PIP5K1B: variants seen among roughly 807,000 people sequenced by gnomAD.
PIP5K1B encodes phosphatidylinositol-4-phosphate 5-kinase type 1 beta.
A neutral mutation model predicts 67.0 loss-of-function variants in PIP5K1B; 42 were observed. The observed-to-expected ratio is 0.63, with a 90% CI of 0.49 to 0.81. The LOEUF (loss-of-function observed/expected upper bound fraction) is 0.81, where lower values mean the gene tolerates loss of function less well. Among genes scored for constraint, PIP5K1B ranks in the 30% least tolerant of loss-of-function variants. The probability of loss-of-function intolerance (pLI) is 0.00; values close to 1 mark genes in which losing one functional copy is unlikely to be tolerated. For missense variants in PIP5K1B, 459 were observed against 646.3 expected (o/e 0.71, Z 3.14); for synonymous variants, 214 against 231.4 (o/e 0.92, Z 0.68).
chr9:68,989,207 A>C (rs4745466), intron 14 of PIP5K1B, among the ~76,000 whole-genome samples: 69,237 of 151,412 alleles, frequency 0.46, 16,725 homozygotes, highest in East Asian at 0.66. Flanking sequence ...TTAATAGGTA[A>C]ATATGTACAA....
intron 2 of PIP5K1B, among the ~76,000 whole-genome samples, chr9:68,743,584 A>G (rs1829125651): frequency 6.6e-6 from 1 of 152,216 alleles, no homozygotes; most frequent in Admixed American, 6.5e-5. Flanking sequence ...CACATGGTGT[A>G]GATTTGGTAA....
chr9:68,770,735 G>A (rs1587417702), intron 2 of PIP5K1B, among the ~76,000 whole-genome samples: 2 of 152,200 alleles, frequency 1.3e-5, no homozygotes, highest in African/African-American at 4.8e-5. Context: ...ATGATCTGAA[G>A]TAGAAGATCC....
chr9:68,914,631 T>C (rs989645829), intron 8 of PIP5K1B, among the ~76,000 whole-genome samples: 7 of 151,914 alleles, frequency 4.6e-5, no homozygotes, highest in Admixed American at 2.0e-4. Context: ...AGGAGAATGG[T>C]GTGAACCCGG....
At chr9:68,904,990 AT>A (rs1018409688) in intron 8 of PIP5K1B, among the ~76,000 whole-genome samples, 67 of 152,236 alleles carry the variant, frequency 4.4e-4, no homozygotes, top group African/African-American at 1.6e-3. Context: ...AAATTTATAT[AT>A]GCAATAATTC....
At chr9:68,839,905 T>G (rs1046963105) in intron 4 of PIP5K1B, among the ~76,000 whole-genome samples, 5 of 152,196 alleles carry the variant, frequency 3.3e-5, no homozygotes, top group South Asian at 2.1e-4. Flanking sequence ...TGTTATAAAC[T>G]CATCACCCAT....
At chr9:68,865,407 A>C (rs1416401455) in intron 5 of PIP5K1B, among the ~76,000 whole-genome samples, 6 of 151,908 alleles carry the variant, frequency 3.9e-5, no homozygotes, top group Non-Finnish European at 8.8e-5. Flanking sequence ...TAATGCTTGT[A>C]AGTGTGTTTG....
At chr9:68,927,093 C>T (rs1329360467) in intron 12 of PIP5K1B, among the ~76,000 whole-genome samples, 1 of 152,144 alleles carries the variant, frequency 6.6e-6, no homozygotes, top group Non-Finnish European at 1.5e-5. Context: ...TCTGTAGCCT[C>T]GTAGCATGTA....
intron 14 of PIP5K1B, among the ~76,000 whole-genome samples, chr9:68,975,401 G>C (rs1373025322): frequency 6.6e-6 from 1 of 152,178 alleles, no homozygotes; most frequent in Non-Finnish European, 1.5e-5. Context: ...AAAATGTAGT[G>C]TTTAGCAAGA....
intron 15 of PIP5K1B, among the ~76,000 whole-genome samples, chr9:68,999,725 G>A (rs1262527244): frequency 6.6e-6 from 1 of 152,218 alleles, no homozygotes; most frequent in African/African-American, 2.4e-5. Context: ...TGCCTCTAAT[G>A]TAGAAGCAAA....
At chr9:68,774,033 G>C (rs977249375) in intron 2 of PIP5K1B, among the ~76,000 whole-genome samples, 1 of 151,950 alleles carries the variant, frequency 6.6e-6, no homozygotes, top group Non-Finnish European at 1.5e-5. Context: ...ATTATTCTAG[G>C]AGGATACCAC....
chr9:68,820,193 A>T (rs1388957605), intron 3 of PIP5K1B, among the ~76,000 whole-genome samples: 1 of 152,202 alleles, frequency 6.6e-6, no homozygotes, highest in Non-Finnish European at 1.5e-5. Context: ...GCTCTGTTAA[A>T]CAGTTGAAGG....
chr9:68,773,333 C>T (rs937290651), intron 2 of PIP5K1B, among the ~76,000 whole-genome samples: 1 of 152,110 alleles, frequency 6.6e-6, no homozygotes, highest in Admixed American at 6.5e-5. Context: ...TTGTATTCTT[C>T]GATTATGGCC....
chr9:68,974,468 A>G (rs969076140), intron 14 of PIP5K1B, among the ~76,000 whole-genome samples: 3 of 152,230 alleles, frequency 2.0e-5, no homozygotes, highest in Non-Finnish European at 4.4e-5. Flanking sequence ...GGGTTTGGGT[A>G]TATAAAAGAA....
At position 68,705,285 on chromosome 9, in the gene PIP5K1B, C is replaced by G. The variant is rs1370807775; in HGVS notation, c.-720C>G. 2.0e-5 allele frequency: 3 copies of G among 151,734 alleles called. No individual in the cohort carries two copies. Among genetic ancestry groups the G allele is most frequent in the Non-Finnish European group, 4.4e-5 (3 of 67,906 alleles). 9.4% of individuals were successfully genotyped at this position (151,734 alleles called of 1,614,324 possible). On this transcript the variant is annotated 5_prime_UTR_variant, in exon 1 of 16. Transcript: ENST00000265382. ...CTCCGGCGCGCACCAAGCGGGAACC[C>G]GCGCCCGAGCCCGGCGGGCGCCGCT...
At chr9:68,958,312 C>T (rs1412163661) in intron 14 of PIP5K1B, among the ~76,000 whole-genome samples, 2 of 152,196 alleles carry the variant, frequency 1.3e-5, no homozygotes, top group African/African-American at 2.4e-5. Flanking sequence ...GGCTTTTGTA[C>T]AGGCACCAGT....
chr9:68,824,243 G>A, intron 4 of PIP5K1B: 1 of 518,562 alleles, frequency 1.9e-6, no homozygotes, highest in Non-Finnish European at 3.8e-6. Context: ...GCATCAAGAT[G>A]CACTGAAATT....
chr9:68,897,056 A>G (rs184080047), intron 8 of PIP5K1B, among the ~76,000 whole-genome samples: 136 of 152,206 alleles, frequency 8.9e-4, no homozygotes, highest in Non-Finnish European at 1.3e-3. Context: ...CATCGCCCCA[A>G]TATTGCCCTT....
intron 14 of PIP5K1B, chr9:68,963,277 C>T (rs529527393): frequency 2.2e-6 from 1 of 453,664 alleles, no homozygotes; most frequent in Non-Finnish European, 4.4e-6. Flanking sequence ...CCGAGGCAGA[C>T]TGATCTCTTG....
intron 5 of PIP5K1B, among the ~76,000 whole-genome samples, chr9:68,873,820 A>C (rs1326125784): frequency 1.3e-5 from 2 of 152,132 alleles, no homozygotes; most frequent in Non-Finnish European, 2.9e-5. Context: ...TAACAGAGAT[A>C]ATTTGAACCC....
Sources: gnomAD v4.1 joint callset for allele counts (sites outside exome capture counted in the v4.1 genomes callset) on GRCh38, gnomAD v4.1.1 for gene constraint, MANE v1.5 for transcripts, NCBI Gene and HGNC (gene_info 2026-07-23, HGNC 2026-07-21) for gene names.